PCCA: variants seen among roughly 807,000 people sequenced by gnomAD.
PCCA encodes propionyl-CoA carboxylase subunit alpha.
In PCCA, 74 loss-of-function variants were observed where a neutral mutation model predicts 101.3. That is an observed-to-expected ratio of 0.73 (90% CI 0.61 to 0.89). The LOEUF (loss-of-function observed/expected upper bound fraction) is 0.89, where lower values mean the gene tolerates loss of function less well. Ranked by LOEUF, PCCA falls within the 40% of genes least tolerant of loss-of-function variation. The pLI is 0.00. For missense variants in PCCA, 891 were observed against 907.0 expected, an observed-to-expected ratio of 0.98 and a Z score of 0.23; for synonymous variants, 294 against 313.6, an observed-to-expected ratio of 0.94 and a Z score of 0.66.
chr13:100,241,307 T>C (rs1479994885), intron 8 of PCCA, among the ~76,000 whole-genome samples: 1 of 152,206 alleles, frequency 6.6e-6, no homozygotes, highest in Non-Finnish European at 1.5e-5. Flanking sequence ...GTGGATTTAC[T>C]TATTCTGGGG....
intron 12 of PCCA, among the ~76,000 whole-genome samples, chr13:100,283,211 G>T (rs2152631589): frequency 6.6e-6 from 1 of 152,280 alleles, no homozygotes; most frequent in African/African-American, 2.4e-5. Context: ...TTTAGCTGCA[G>T]CCCAAGAGTT....
chr13:100,161,821 TG>T lies in PCCA; in HGVS notation c.468+4482del, dbSNP rs56962964. ...CTTAAGAAGGGTTGAGAATTGTTAC[TG>T]TAGTGTATTTTGTGTAGACATCATT... On this transcript the variant is annotated intron_variant, in intron 6 of 23. Transcript: ENST00000376285. Among the ~76,000 whole-genome samples, 1,186 of 152,334 alleles carry T rather than the reference TG, an allele frequency of 7.8e-3. 12 individuals are homozygous for T. The highest frequency in any genetic ancestry group is 0.027 in the African/African-American group (1,141 of 41,566).
At chr13:100,125,313 T>A (rs920674738) in intron 4 of PCCA, among the ~76,000 whole-genome samples, 3 of 152,192 alleles carry the variant, frequency 2.0e-5, no homozygotes, top group African/African-American at 7.2e-5. Flanking sequence ...CAATAGGAAA[T>A]CTATAGGATT....
At chr13:100,461,176 G>GTTA (rs1280961116) in intron 21 of PCCA, among the ~76,000 whole-genome samples, 1 of 152,214 alleles carries the variant, frequency 6.6e-6, no homozygotes. Flanking sequence ...CCGTGGGGTT[G>GTTA]TTATTGCTAC....
chr13:100,355,411 G>T (rs192482710), intron 18 of PCCA, among the ~76,000 whole-genome samples: 50 of 152,198 alleles, frequency 3.3e-4, no homozygotes, highest in Non-Finnish European at 1.5e-5. Context: ...GATTTTAGAT[G>T]TAGAAAATCT....
At chr13:100,407,546 G>T (rs1294802289) in intron 19 of PCCA, among the ~76,000 whole-genome samples, 1 of 152,166 alleles carries the variant, frequency 6.6e-6, no homozygotes, top group Non-Finnish European at 1.5e-5. Context: ...AAACCTTGTT[G>T]TGTTTTTATT....
chr13:100,117,989 T>G (rs373634362), intron 4 of PCCA, among the ~76,000 whole-genome samples: 105 of 151,530 alleles, frequency 6.9e-4, no homozygotes, highest in African/African-American at 2.3e-3. Flanking sequence ...GGTGGCAGGC[T>G]CCTGTGGTCC....
intron 21 of PCCA, among the ~76,000 whole-genome samples, chr13:100,502,645 T>G (rs1399966313): frequency 2.6e-5 from 4 of 152,240 alleles, no homozygotes; most frequent in African/African-American, 4.8e-5. Flanking sequence ...TTGGCATTTC[T>G]GGCCCTCTAG....
chr13:100,138,040 C>T (rs1376083220), intron 4 of PCCA, among the ~76,000 whole-genome samples: 1 of 152,026 alleles, frequency 6.6e-6, no homozygotes. Flanking sequence ...CCTCTCATTT[C>T]AGCCTCCCAA....
rs755876822 is a variant in PCCA, at chr13:100,340,260, G to A, written c.1643+1G>A. 6.8e-7 allele frequency: 1 copy of A among 1,472,726 alleles called. No homozygotes were observed. Among genetic ancestry groups the A allele is most frequent in the East Asian group, 2.3e-5 (1 of 44,198 alleles). The allele number at this position is 1,472,726 out of a possible 1,614,324, so 91.2% of individuals were successfully genotyped here. A position where few individuals can be genotyped will look rare whatever the true frequency, so the allele number is the denominator to read the frequency against. On this transcript the variant is annotated splice_donor_variant, in intron 18 of 23. Coordinates refer to ENST00000376285, the MANE Select transcript of PCCA (RefSeq NM_000282.4). LOFTEE classifies it high-confidence loss of function. ...CACAACATTTTCAAGAAAATTCAAG[G>A]TATGGTAGATCATTTAAAACAGAAT...
In PCCA at chr13:100,515,557, C is replaced by T. The variant is rs372051167; in HGVS notation, c.2030C>T (p.Pro677Leu). 1 of 1,613,774 alleles carries T rather than the reference C, an allele frequency of 6.2e-7. No homozygotes were observed. ...PGVVVAVSVK[P>L]GDAVAEGQEI... ...GTGGTGGTGGCCGTCTCTGTCAAGC[C>T]TGGAGACGCGGTAAGGGCTGTGTGT... The change falls in exon 22 of 24, where the codon CCT (proline) becomes CTT (leucine). Residue 677 changes from proline (P) to leucine (L), a missense_variant. Physicochemically the swap from Pro to Leu is moderately conservative, Grantham distance 98. Coordinates refer to ENST00000376285, the MANE Select transcript of PCCA (RefSeq NM_000282.4).
intron 17 of PCCA, among the ~76,000 whole-genome samples, chr13:100,337,192 A>G (rs779865062): frequency 6.6e-6 from 1 of 152,186 alleles, no homozygotes; most frequent in African/African-American, 2.4e-5. Context: ...TGGGACTTAC[A>G]TTCCAGCAGG....
At chr13:100,151,085 T>C (rs888078722) in intron 4 of PCCA, 1 of 1,510,278 alleles carries the variant, frequency 6.6e-7, no homozygotes, top group Non-Finnish European at 9.2e-7. Flanking sequence ...GATGTACTCG[T>C]ATGCACCCAT....
At chr13:100,347,737 A>G (rs1200288804) in intron 18 of PCCA, among the ~76,000 whole-genome samples, 3 of 152,196 alleles carry the variant, frequency 2.0e-5, no homozygotes, top group East Asian at 3.8e-4. Flanking sequence ...CAAAATATGT[A>G]TTTATGAAAT....
In PCCA at chr13:100,212,276, A is replaced by G. The variant is rs1244843114; in HGVS notation, c.600+2813A>G. ...AGGGCAACCATGTTCATCCCTTTAC[A>G]TATTGTCTGTGGTTGCTTTTCCACT... On this transcript the variant is annotated intron_variant, in intron 7 of 23. Coordinates refer to ENST00000376285, the MANE Select transcript of PCCA (RefSeq NM_000282.4). Among the ~76,000 whole-genome samples, 6 of 152,170 alleles carry G rather than the reference A, an allele frequency of 3.9e-5. No individual in the cohort carries two copies. The South Asian group carries it at 1.0e-3, about 26-fold the overall frequency.
intron 4 of PCCA, among the ~76,000 whole-genome samples, chr13:100,133,034 C>T (rs973125565): frequency 1.3e-5 from 2 of 152,150 alleles, no homozygotes; most frequent in Non-Finnish European, 2.9e-5. Context: ...CTGCCTCAGC[C>T]TCCCAAACTG....
chr13:100,480,708 G>A (rs548419547), intron 21 of PCCA, among the ~76,000 whole-genome samples: 1 of 152,266 alleles, frequency 6.6e-6, no homozygotes, highest in South Asian at 2.1e-4. Flanking sequence ...TCCCTACCGA[G>A]CCTTCTCACC....
At chr13:100,353,585 C>A (rs1452438814) in intron 18 of PCCA, among the ~76,000 whole-genome samples, 1 of 152,022 alleles carries the variant, frequency 6.6e-6, no homozygotes, top group African/African-American at 2.4e-5. Flanking sequence ...ATATAAACAT[C>A]ACAACATCTA....
chr13:100,441,866 A>G (rs1038309866), intron 20 of PCCA, among the ~76,000 whole-genome samples: 7 of 152,154 alleles, frequency 4.6e-5, no homozygotes, highest in Non-Finnish European at 1.0e-4. Context: ...AAACTGAATT[A>G]TCTTAATCCT....
Sources: allele counts gnomAD v4.1 joint callset (sites outside exome capture counted in the v4.1 genomes callset), GRCh38; gene constraint gnomAD v4.1.1; transcripts MANE v1.5; gene names NCBI Gene and HGNC (gene_info 2026-07-23, HGNC 2026-07-21).